Variants in ADNP observed in about 807,000 individuals in gnomAD.
ADNP encodes activity dependent neuroprotector homeobox.
ADNP carries 4 observed loss-of-function variants against 84.9 expected under a neutral mutation model. That is an observed-to-expected ratio of 0.05 (90% confidence interval 0.02 to 0.11). ADNP has a LOEUF of 0.11. Among genes scored for constraint, ADNP ranks in the 10% least tolerant of loss-of-function variants. The pLI is 1.00. For missense variants in ADNP, 1,132 were observed against 1,326.0 expected (o/e 0.85, Z 2.27); for synonymous variants, 554 against 468.1 (o/e 1.18, Z -2.37).
At chr20:50,913,787 G>A in intron 2 of ADNP, 1 of 471,458 alleles carries the variant, frequency 2.1e-6, no homozygotes, top group South Asian at 2.2e-5. Flanking sequence ...GGAAGCTGGA[G>A]GAGGTGAAGG....
chr20:50,930,418 C>A (rs1413294738), intron 1 of ADNP, among the ~76,000 whole-genome samples: 1 of 150,218 alleles, frequency 6.7e-6, no homozygotes, highest in African/African-American at 2.4e-5. Context: ...TGGTTCAAGG[C>A]ATGGGGGTGT....
chr20:50,923,948 G>A (rs1047782508), intron 2 of ADNP, among the ~76,000 whole-genome samples: 8 of 152,108 alleles, frequency 5.3e-5, no homozygotes, highest in Admixed American at 3.9e-4. Flanking sequence ...TTTATAATTC[G>A]AATTGAAAAT....
intron 2 of ADNP, among the ~76,000 whole-genome samples, chr20:50,912,315 T>G (rs906112833): frequency 6.6e-6 from 1 of 152,036 alleles, no homozygotes; most frequent in East Asian, 1.9e-4. Context: ...CTGGGCTAAT[T>G]TTTTTTATAT....
intron 2 of ADNP, among the ~76,000 whole-genome samples, chr20:50,917,044 A>C (rs1184795323): frequency 6.6e-6 from 1 of 152,216 alleles, no homozygotes; most frequent in African/African-American, 2.4e-5. Context: ...CCTACAAATT[A>C]GCAGCTGAGG....
Position 50,890,967 on chromosome 20 carries a change from AGAAT to A in ADNP, c.*434_*437del, listed in dbSNP as rs1464605951. 12 of 991,734 alleles carry A rather than the reference AGAAT, an allele frequency of 1.2e-5. No individual in the cohort carries two copies. Among genetic ancestry groups the A allele is most frequent in the Non-Finnish European group, 1.3e-5 (11 of 834,660 alleles). 61.4% of individuals were successfully genotyped at this position (991,734 alleles called of 1,614,324 possible). On this transcript the variant is annotated 3_prime_UTR_variant, in exon 6 of 6. Transcript: ENST00000621696. ...GTACAAATATACATTTCAACTATTC[AGAAT>A]GAATACATGAAAAAAAATCGCTTTT... is the stretch of plus-strand genomic sequence containing the variant.
At chr20:50,914,790 ATACAGT>A (rs925135305) in intron 2 of ADNP, among the ~76,000 whole-genome samples, 1 of 152,190 alleles carries the variant, frequency 6.6e-6, no homozygotes, top group African/African-American at 2.4e-5. Context: ...ATGTTCCTCC[ATACAGT>A]TAAACATCCT....
chr20:50,896,719 A>G (rs928777784), intron 5 of ADNP, among the ~76,000 whole-genome samples: 9 of 152,222 alleles, frequency 5.9e-5, no homozygotes, highest in Non-Finnish European at 7.3e-5. Context: ...AGTAACACAC[A>G]TGGAACTGCC....
intron 2 of ADNP, among the ~76,000 whole-genome samples, chr20:50,916,151 G>A (rs6096181): frequency 6.6e-6 from 1 of 152,010 alleles, no homozygotes; most frequent in Non-Finnish European, 1.5e-5. Context: ...ATTTATGCAA[G>A]GCGAAAGATG....
chr20:50,923,011 TG>T (rs1416365333), intron 2 of ADNP, among the ~76,000 whole-genome samples: 1 of 152,068 alleles, frequency 6.6e-6, no homozygotes, highest in African/African-American at 2.4e-5. Flanking sequence ...ATCAGAATCT[TG>T]CCTTGGGACA....
chr20:50,924,566 T>G (rs1600995755), intron 2 of ADNP, among the ~76,000 whole-genome samples: 1 of 152,126 alleles, frequency 6.6e-6, no homozygotes, highest in Non-Finnish European at 1.5e-5. Flanking sequence ...TCCCTACTTG[T>G]GAAACAAGGA....
In ADNP at chr20:50,894,001, T is replaced by C; in HGVS notation, c.713A>G (p.Gln238Arg). 6.2e-7 allele frequency: 1 copy of C among 1,614,210 alleles called. No individual in the cohort carries two copies. Among genetic ancestry groups the C allele is most frequent in the Non-Finnish European group, 8.5e-7 (1 of 1,180,036 alleles). ...ACGTTCATGGTCTTCGATGACATGC[T>C]GTACCAAAGCTTCATAGGACTTTGG... ...FMPKSYEALV[Q>R]HVIEDHERIG... Residue 238 changes from glutamine to arginine, a missense_variant, in exon 6 of 6, where the codon CAG becomes CGG. Gln to Arg is a conservative substitution (Grantham distance 43). Coordinates refer to ENST00000621696, the MANE Select transcript of ADNP (RefSeq NM_001282531.3).
intron 2 of ADNP, among the ~76,000 whole-genome samples, chr20:50,917,922 C>T (rs192198060): frequency 9.2e-5 from 14 of 152,230 alleles, no homozygotes; most frequent in Non-Finnish European, 1.0e-4. Context: ...ACCTTGAAAA[C>T]ATTATACTAA....
At chr20:50,905,101 CATTAA>C in intron 2 of ADNP, 1 of 152,236 alleles carries the variant, frequency 6.6e-6, no homozygotes, top group Middle Eastern at 3.4e-3. Context: ...TGACCTAATA[CATTAA>C]ATTAGAAATT....
intron 4 of ADNP, 117 bp downstream of exon 4, chr20:50,903,772 T>G (rs1040251694): frequency 1.9e-5 from 14 of 736,788 alleles, no homozygotes; most frequent in Non-Finnish European, 3.1e-5. Context: ...TTCGTGAAGC[T>G]ACTGCTGTGG....
chr20:50,893,010 T>C lies in ADNP; in HGVS notation c.1704A>G (p.Thr568=), dbSNP rs376377223. The C allele has an allele frequency of 1.1e-5, 17 of 1,614,100 alleles. No individual in the cohort carries two copies. Among genetic ancestry groups the C allele is most frequent in the Admixed American group, 8.3e-5 (5 of 60,002 alleles). The change falls in exon 6 of 6, where the codon ACA becomes ACG. Residue 568 remains threonine, a synonymous_variant. Transcript: ENST00000621696. This position sits in a 1 kb window ranked among gnomAD's most constrained non-coding sequence, Gnocchi z 4.4. The part of the protein sequence containing the change: ...SHTNIHLLVT[T]YNLRDAPAES... The stretch of plus-strand genomic sequence containing the variant: ...CAGCTGGGGCATCCCTCAGATTGTA[T>C]GTAGTTACCAGGAGATGGATGTTAG...
chr20:50,921,123 T>G (rs1837872054), intron 2 of ADNP, among the ~76,000 whole-genome samples: 1 of 152,208 alleles, frequency 6.6e-6, no homozygotes, highest in African/African-American at 2.4e-5. Flanking sequence ...CTTAAGTCAG[T>G]TACCATTATC....
chr20:50,912,284 T>A (rs1045191155), intron 2 of ADNP, among the ~76,000 whole-genome samples: 4 of 152,100 alleles, frequency 2.6e-5, no homozygotes, highest in African/African-American at 9.7e-5. Context: ...GTAGCTGGGA[T>A]TACAGGCACG....
At chr20:50,913,946 G>C (rs1397124450) in intron 2 of ADNP, 3 of 690,044 alleles carry the variant, frequency 4.3e-6, no homozygotes, top group Non-Finnish European at 8.0e-6. Flanking sequence ...ATGCGAGATT[G>C]GTCTCCTCTT....
chr20:50,896,913 T>C (rs1307815378), intron 5 of ADNP, among the ~76,000 whole-genome samples: 1 of 152,196 alleles, frequency 6.6e-6, no homozygotes, highest in African/African-American at 2.4e-5. Context: ...TAAAAACCTT[T>C]TGGTATTGAG....
Sources: allele counts gnomAD v4.1 joint callset (sites outside exome capture counted in the v4.1 genomes callset), GRCh38; gene constraint gnomAD v4.1.1; non-coding constraint Gnocchi (gnomAD v3.1); transcripts MANE v1.5; gene names NCBI Gene and HGNC (gene_info 2026-07-23, HGNC 2026-07-21).